The following FRMD4B variants were observed in gnomAD, a reference collection of about 807,000 sequenced individuals.
FRMD4B encodes the protein FERM domain-containing protein 4B.
In FRMD4B, 74 loss-of-function variants were observed where a neutral mutation model predicts 141.5. That is an observed-to-expected ratio of 0.52 (90% CI 0.43 to 0.63). The LOEUF (loss-of-function observed/expected upper bound fraction) is 0.63, where lower values mean the gene tolerates loss of function less well. Ranked by LOEUF, FRMD4B falls within the 30% of genes least tolerant of loss-of-function variation. The probability of loss-of-function intolerance (pLI) is 0.00; values close to 1 mark genes in which losing one functional copy is unlikely to be tolerated. For synonymous variants in FRMD4B, 506 were observed against 467.9 expected, an observed-to-expected ratio of 1.08 and a Z score of -1.05; for missense variants, 1,366 against 1,253.4, an observed-to-expected ratio of 1.09 and a Z score of -1.36.
At chr3:69,301,937 C>T (rs1701231348) in intron 4 of FRMD4B, among the ~76,000 whole-genome samples, 1 of 152,172 alleles carries the variant, frequency 6.6e-6, no homozygotes, top group Admixed American at 6.5e-5. Context: ...ATTTTTAAGT[C>T]TGTAGAAAAC....
At chr3:69,456,461 C>A (rs969254303) in intron 1 of FRMD4B, among the ~76,000 whole-genome samples, 1 of 152,000 alleles carries the variant, frequency 6.6e-6, no homozygotes, top group African/African-American at 2.4e-5. Context: ...ATAATAGAAG[C>A]AATTAAGGAA....
At chr3:69,260,405 G>T (rs2106847810) in intron 5 of FRMD4B, among the ~76,000 whole-genome samples, 1 of 152,332 alleles carries the variant, frequency 6.6e-6, no homozygotes, top group East Asian at 1.9e-4. Context: ...GGCAGTGAGG[G>T]GCTTAGCACC....
At chr3:69,478,140 C>A (rs1004552138) in intron 1 of FRMD4B, among the ~76,000 whole-genome samples, 4 of 152,078 alleles carry the variant, frequency 2.6e-5, no homozygotes, top group African/African-American at 7.2e-5. Context: ...TTCTGTTGAT[C>A]CTTTCAAAAA....
chr3:69,476,715 A>T (rs934907664), intron 1 of FRMD4B, among the ~76,000 whole-genome samples: 5,120 of 152,174 alleles, frequency 0.034, 276 homozygotes, highest in African/African-American at 0.12. Context: ...ATGAACTTTA[A>T]AGTAGTTTTT....
At chr3:69,469,128 T>C (rs1315938884) in intron 1 of FRMD4B, among the ~76,000 whole-genome samples, 7 of 152,198 alleles carry the variant, frequency 4.6e-5, no homozygotes, top group Admixed American at 3.9e-4. Flanking sequence ...CTTAGTGACA[T>C]GGCTGCAACC....
chr3:69,467,040 C>T (rs560981167), intron 1 of FRMD4B, among the ~76,000 whole-genome samples: 2 of 152,168 alleles, frequency 1.3e-5, no homozygotes, highest in East Asian at 1.9e-4. Context: ...TTAGAATCCC[C>T]GCCTTCTAGG....
intron 1 of FRMD4B, among the ~76,000 whole-genome samples, chr3:69,346,216 G>C (rs543967758): frequency 6.6e-6 from 1 of 152,176 alleles, no homozygotes; most frequent in South Asian, 2.1e-4. Context: ...CGATCAAGCG[G>C]AAGAAAGGGT....
chr3:69,378,321 G>A (rs1447816588), intron 1 of FRMD4B, among the ~76,000 whole-genome samples: 1 of 152,162 alleles, frequency 6.6e-6, no homozygotes, highest in East Asian at 1.9e-4. Context: ...TGACTGAGAA[G>A]TGACATGAGC....
chr3:69,455,262 C>A (rs373232763), intron 1 of FRMD4B, among the ~76,000 whole-genome samples: 1 of 152,206 alleles, frequency 6.6e-6, no homozygotes, highest in Non-Finnish European at 1.5e-5. Context: ...TGCCAGAGGC[C>A]ACAGCAGTGA....
chr3:69,279,973 C>T (rs2093637303), intron 5 of FRMD4B, among the ~76,000 whole-genome samples: 1 of 151,958 alleles, frequency 6.6e-6, no homozygotes, highest in Admixed American at 6.6e-5. Context: ...TTTAATTTGC[C>T]AAGCCTGTCT....
At chr3:69,325,301 C>T (rs1341877331) in intron 1 of FRMD4B, among the ~76,000 whole-genome samples, 2 of 152,170 alleles carry the variant, frequency 1.3e-5, no homozygotes, top group East Asian at 3.9e-4. Context: ...AATGGACGGC[C>T]ATTGCTGCAG....
intron 21 of FRMD4B, among the ~76,000 whole-genome samples, chr3:69,179,351 C>T (rs2092681633): frequency 6.6e-6 from 1 of 152,166 alleles, no homozygotes; most frequent in African/African-American, 2.4e-5. Flanking sequence ...CTCAGCCCTC[C>T]TTGTTTGGTC....
chr3:69,479,327 T>G (rs1706072221), intron 1 of FRMD4B, among the ~76,000 whole-genome samples: 1 of 152,018 alleles, frequency 6.6e-6, no homozygotes, highest in African/African-American at 2.4e-5. Context: ...TTTGGCATGA[T>G]TTTGCAGTGG....
chr3:69,495,074 G>A (rs903942687), intron 1 of FRMD4B, among the ~76,000 whole-genome samples: 1 of 152,160 alleles, frequency 6.6e-6, no homozygotes, highest in African/African-American at 2.4e-5. Context: ...AGAAGTGGTT[G>A]CAAGGTATAG....
chr3:69,284,010 A>G (rs2093656229), intron 5 of FRMD4B, among the ~76,000 whole-genome samples: 1 of 152,172 alleles, frequency 6.6e-6, no homozygotes, highest in South Asian at 2.1e-4. Flanking sequence ...TATATAAAAC[A>G]ACAGTTTTCA....
chr3:69,364,774 C>T (rs991630879), intron 1 of FRMD4B, among the ~76,000 whole-genome samples: 1 of 151,672 alleles, frequency 6.6e-6, no homozygotes, highest in Non-Finnish European at 1.5e-5. Flanking sequence ...TTTAGATGGC[C>T]AAAGAAGCTC....
Position 69,224,621 on chromosome 3 carries a change from T to C in FRMD4B, c.651A>G (p.Pro217=). Residue 217 remains proline (P), a synonymous_variant, in exon 8 of 23, where the codon CCA becomes CCG. Coordinates refer to ENST00000398540, the MANE Select transcript of FRMD4B (RefSeq NM_015123.3). ...ATTTGGCTTACCAGTAGGCAAGGGA[T>C]GGATGCTCCTGAAGAGTTTTGGTTG... The part of the protein sequence containing the change: ...AFPTKTLQEH[P]SLAYCEDRVI... 1 of 1,562,460 alleles carries C rather than the reference T, an allele frequency of 6.4e-7. No individual in the cohort carries two copies. The highest frequency in any genetic ancestry group is 1.3e-5 in the African/African-American group (1 of 74,214).
At chr3:69,281,836 A>AT (rs372129748) in intron 5 of FRMD4B, among the ~76,000 whole-genome samples, 43,967 of 107,966 alleles carry the variant, frequency 0.41, 7,676 homozygotes, top group Non-Finnish European at 0.5. Flanking sequence ...AAAAAAAAAA[A>AT]AAATATATAT....
chr3:69,226,392 C>T (rs935602428), intron 7 of FRMD4B, among the ~76,000 whole-genome samples: 4 of 151,140 alleles, frequency 2.6e-5, no homozygotes, highest in African/African-American at 9.7e-5. Context: ...TCTTAATAAT[C>T]TCTCTTATGT....
Sources: allele counts gnomAD v4.1 joint callset (sites outside exome capture counted in the v4.1 genomes callset), GRCh38; gene constraint gnomAD v4.1.1; transcripts MANE v1.5; gene names NCBI Gene and HGNC (gene_info 2026-07-23, HGNC 2026-07-21).